The following PHYHIPL variants were observed in gnomAD, a reference collection of about 807,000 sequenced individuals.
The protein encoded by PHYHIPL is phytanoyl-CoA hydroxylase-interacting protein-like.
PHYHIPL carries 9 observed loss-of-function variants against 33.4 expected under a neutral mutation model. The ratio of observed to expected loss-of-function variants is 0.27; its 90% CI spans 0.16 to 0.47. The LOEUF (loss-of-function observed/expected upper bound fraction) is 0.47, where lower values mean the gene tolerates loss of function less well. PHYHIPL is among the 20% of genes least tolerant of loss of function. The pLI is 0.99. For missense variants in PHYHIPL, 365 were observed against 460.7 expected (o/e 0.79, Z 1.90); for synonymous variants, 153 against 154.1 (o/e 0.99, Z 0.05).
At chr10:59,178,303 T>G (rs1248827039) in intron 1 of PHYHIPL, among the ~76,000 whole-genome samples, 1 of 152,134 alleles carries the variant, frequency 6.6e-6, no homozygotes. Context: ...CAAAGACAGC[T>G]TGTATTTCCT....
intron 1 of PHYHIPL, chr10:59,219,374 T>A (rs1224754647): frequency 3.1e-6 from 1 of 320,394 alleles, no homozygotes; most frequent in Non-Finnish European, 4.5e-6. Context: ...TTTCCTATAA[T>A]AAAAGTGTCT....
intron 1 of PHYHIPL, chr10:59,177,254 C>T (rs1388790965): frequency 3.4e-6 from 2 of 595,582 alleles, no homozygotes; most frequent in Admixed American, 3.4e-5. Flanking sequence ...GCGGCTCCTG[C>T]CCCGACGAGG....
upstream of PHYHIPL, among the ~76,000 whole-genome samples, chr10:59,174,647 T>A (rs1838220539): frequency 6.6e-6 from 1 of 152,216 alleles, no homozygotes; most frequent in South Asian, 2.1e-4. Context: ...AACATTACCC[T>A]TTCCGATTAC....
Position 59,247,759 on chromosome 10 carries a change from GT to G in PHYHIPL, c.*2170del, listed in dbSNP as rs1840849907. 6.2e-7 allele frequency: 1 copy of G among 1,603,368 alleles called. No homozygotes were observed. Among genetic ancestry groups the G allele is most frequent in the South Asian group, 1.1e-5 (1 of 89,290 alleles). ...ACTTCTGCAAAACAAAAATACATTT[GT>G]TAGTTCACAATGAATCAAGTCATTA... On this transcript the variant is annotated 3_prime_UTR_variant, in exon 5 of 5. Transcript: ENST00000373880.
rs554249158 is a variant in PHYHIPL at position 59,235,343 on chromosome 10, A to G, written c.303+843A>G. Among the ~76,000 whole-genome samples, 4 of 152,002 alleles carry G rather than the reference A, an allele frequency of 2.6e-5. No individual in the cohort carries two copies. The South Asian group carries it at 8.3e-4, about 31-fold the overall frequency. ...TATATCTCTCTTTCCAGAAGTATCT[A>G]TAGAGAAATTAACAGTTATCTGCTT... is the stretch of plus-strand genomic sequence containing the variant. On this transcript the variant is annotated intron_variant, in intron 2 of 4. Transcript: ENST00000373880.
intron 1 of PHYHIPL, among the ~76,000 whole-genome samples, chr10:59,223,633 G>A (rs538092861): frequency 1.3e-5 from 2 of 151,862 alleles, no homozygotes; most frequent in Admixed American, 6.6e-5. Context: ...AAAAATAACT[G>A]AGTTCAATGA....
intron 1 of PHYHIPL, among the ~76,000 whole-genome samples, chr10:59,185,018 T>G (rs1589257426): frequency 7.6e-6 from 1 of 131,158 alleles, no homozygotes; most frequent in Non-Finnish European, 1.6e-5. Flanking sequence ...TGAGACGGAG[T>G]CTCGCTCTGC....
chr10:59,209,985 A>T (rs2133236259), intron 1 of PHYHIPL, among the ~76,000 whole-genome samples: 1 of 152,356 alleles, frequency 6.6e-6, no homozygotes, highest in Admixed American at 6.5e-5. Flanking sequence ...TCTAGAAAGA[A>T]ACCTAGGCAA....
chr10:59,242,670 G>T lies in PHYHIPL; in HGVS notation c.597-2387G>T, dbSNP rs187290359. ...TCAAGAAGCACATACTAACACACTTGAAACACATAAAAACGGAAGCAGCAA... is the reference window on the plus strand; with the variant it reads ...TCAAGAAGCACATACTAACACACTTTAAACACATAAAAACGGAAGCAGCAA... On this transcript the variant is annotated intron_variant, in intron 4 of 4. Transcript: ENST00000373880. Among the ~76,000 whole-genome samples the T allele has an allele frequency of 3.4e-3, 510 of 152,120 alleles. 5 individuals carry two copies. The highest frequency in any genetic ancestry group is 8.6e-3 in the African/African-American group (357 of 41,504).
At chr10:59,222,629 A>T (rs1458076237) in intron 1 of PHYHIPL, among the ~76,000 whole-genome samples, 1 of 152,096 alleles carries the variant, frequency 6.6e-6, no homozygotes, top group Admixed American at 6.5e-5. Context: ...ATCACATAAA[A>T]ATTAGGACAT....
At chr10:59,232,667 T>G (rs1015156270) in intron 1 of PHYHIPL, among the ~76,000 whole-genome samples, 2 of 151,956 alleles carry the variant, frequency 1.3e-5, no homozygotes, top group Admixed American at 1.3e-4. Flanking sequence ...ATCTACATGA[T>G]CCTAAATAAC....
intron 1 of PHYHIPL, among the ~76,000 whole-genome samples, chr10:59,227,612 A>G (rs961294427): frequency 5.3e-5 from 8 of 152,232 alleles, no homozygotes; most frequent in Non-Finnish European, 8.8e-5. Flanking sequence ...TAATGAAGAC[A>G]TAACTCTCAA....
chr10:59,201,589 C>G (rs1277088932), intron 1 of PHYHIPL, among the ~76,000 whole-genome samples: 1 of 152,110 alleles, frequency 6.6e-6, no homozygotes, highest in Admixed American at 6.6e-5. Context: ...TGGTGCAGAG[C>G]TGAGTTCAAG....
At chr10:59,226,501 G>A (rs1355197457) in intron 1 of PHYHIPL, among the ~76,000 whole-genome samples, 1 of 151,866 alleles carries the variant, frequency 6.6e-6, no homozygotes, top group Non-Finnish European at 1.5e-5. Context: ...AAATGGTTGT[G>A]GTGGTGGTGG....
intron 1 of PHYHIPL, among the ~76,000 whole-genome samples, chr10:59,202,945 C>T (rs867188329): frequency 9.9e-5 from 15 of 152,040 alleles, no homozygotes; most frequent in African/African-American, 2.7e-4. Flanking sequence ...TTTAGAAGGT[C>T]GTAAACTGCA....
chr10:59,173,917 T>C (rs909195398), upstream of PHYHIPL, among the ~76,000 whole-genome samples: 2 of 135,118 alleles, frequency 1.5e-5, no homozygotes, highest in African/African-American at 5.4e-5. Context: ...CTTTTACTTC[T>C]GAGGTTTTTT....
At chr10:59,224,497 A>AAACAAACCAAAACAC (rs370140471) in intron 1 of PHYHIPL, among the ~76,000 whole-genome samples, 1 of 70,410 alleles carries the variant, frequency 1.4e-5, no homozygotes, top group Non-Finnish European at 3.8e-5. Context: ...AAACAAAACA[A>AAACAAACCAAAACAC]AAAACAAAAC....
chr10:59,236,678 T>C (rs1210961807), intron 3 of PHYHIPL, 21 bp downstream of exon 3: 8 of 1,546,028 alleles, frequency 5.2e-6, no homozygotes, highest in African/African-American at 2.8e-5. Context: ...TAGGTACAAA[T>C]ATAGAAAAGC....
chr10:59,192,478 C>A (rs941602159), intron 1 of PHYHIPL, among the ~76,000 whole-genome samples: 1 of 152,008 alleles, frequency 6.6e-6, no homozygotes, highest in Non-Finnish European at 1.5e-5. Flanking sequence ...TCCAGACTTA[C>A]AGAAGCAATG....
Sources: gnomAD v4.1 joint callset for allele counts (sites outside exome capture counted in the v4.1 genomes callset) on GRCh38, gnomAD v4.1.1 for gene constraint, MANE v1.5 for transcripts, NCBI Gene and HGNC (gene_info 2026-07-23, HGNC 2026-07-21) for gene names.